FBXO42: variants seen among roughly 807,000 people sequenced by gnomAD.
The protein encoded by FBXO42 is F-box protein 42.
A neutral mutation model predicts 71.7 loss-of-function variants in FBXO42; 12 were observed. That is an observed-to-expected ratio of 0.17 (90% confidence interval 0.11 to 0.27). The LOEUF (loss-of-function observed/expected upper bound fraction) is 0.27. Ranked by LOEUF, FBXO42 falls within the 10% of genes least tolerant of loss-of-function variation. The pLI, the probability that FBXO42 is intolerant of heterozygous loss-of-function variation, is 1.00. For synonymous variants in FBXO42, 325 were observed against 327.5 expected (o/e 0.99, Z 0.08); for missense variants, 707 against 911.9 (o/e 0.78, Z 2.89).
chr1:16,256,736 C>T lies in FBXO42; in HGVS notation c.526G>A (p.Gly176Arg). ...ASGSYPSPKAGATLVVYKDLL... is the reference protein window; with the variant it reads ...ASGSYPSPKARATLVVYKDLL... Reference sequence around the variant, plus strand: ...TCCTTGTACACGACCAGAGTTGCTCCAGCTTTGGGGGAAGGATAGGACCCT... The same window carrying T: ...TCCTTGTACACGACCAGAGTTGCTCTAGCTTTGGGGGAAGGATAGGACCCT... The change falls in exon 5 of 10, where the codon GGA becomes AGA. Residue 176 changes from glycine (G) to arginine (R), a missense_variant. Physicochemically the swap from Gly to Arg is moderately radical, Grantham distance 125. Transcript: ENST00000375592. 1 of 1,614,138 alleles carries T rather than the reference C, an allele frequency of 6.2e-7. No individual in the cohort carries two copies. Among genetic ancestry groups the T allele is most frequent in the Non-Finnish European group, 8.5e-7 (1 of 1,180,014 alleles).
At chr1:16,320,326 A>C (rs1557601006) in intron 1 of FBXO42, among the ~76,000 whole-genome samples, 2 of 138,320 alleles carry the variant, frequency 1.4e-5, no homozygotes, top group Non-Finnish European at 3.0e-5. Context: ...ATGCCACCGC[A>C]CTCTAGCCTG....
At chr1:16,278,480 C>G (rs987680183) in intron 4 of FBXO42, among the ~76,000 whole-genome samples, 1 of 151,894 alleles carries the variant, frequency 6.6e-6, no homozygotes, top group African/African-American at 2.4e-5. Flanking sequence ...AGACTACTGT[C>G]TTTTTTATTT....
At chr1:16,329,552 C>G (rs2082478810) in intron 1 of FBXO42, among the ~76,000 whole-genome samples, 1 of 151,566 alleles carries the variant, frequency 6.6e-6, no homozygotes, top group Non-Finnish European at 1.5e-5. Context: ...CCACTGCACT[C>G]CAGCCTGGGA....
At chr1:16,301,097 C>T (rs981239288) in intron 3 of FBXO42, among the ~76,000 whole-genome samples, 2 of 151,838 alleles carry the variant, frequency 1.3e-5, no homozygotes, top group Non-Finnish European at 2.9e-5. Context: ...TAGGGTTTCA[C>T]GATGTTGGCC....
At chr1:16,340,037 C>A (rs1037256274) in intron 1 of FBXO42, among the ~76,000 whole-genome samples, 1 of 151,976 alleles carries the variant, frequency 6.6e-6, no homozygotes, top group Non-Finnish European at 1.5e-5. Flanking sequence ...ATTAGCCAGG[C>A]GTGGTGGCAG....
Position 16,252,287 on chromosome 1 carries a change from C to T in FBXO42, c.1038+1G>A, listed in dbSNP as rs1266943955. The T allele has an allele frequency of 6.2e-7, 1 of 1,611,948 alleles. No homozygotes were observed. The highest frequency in any genetic ancestry group is 8.5e-7 in the Non-Finnish European group (1 of 1,178,082). On this transcript the variant is annotated splice_donor_variant, in intron 9 of 9. Transcript: ENST00000375592. LOFTEE classifies it high-confidence loss of function. This position sits in a 1 kb window ranked among gnomAD's most constrained non-coding sequence, Gnocchi z 4.4. The stretch of plus-strand genomic sequence containing the variant: ...TGCTAGCCTGTCAGCTCCCTGCTTA[C>T]CCGGCAAGCTGGATGGCACCACAGT...
intron 1 of FBXO42, among the ~76,000 whole-genome samples, chr1:16,344,550 G>A (rs1179160556): frequency 6.8e-6 from 1 of 146,352 alleles, no homozygotes; most frequent in African/African-American, 2.5e-5. Flanking sequence ...TGGCCAGGCT[G>A]GTGTCAAACT....
At chr1:16,317,844 A>C (rs1056676438) in intron 1 of FBXO42, among the ~76,000 whole-genome samples, 1 of 151,310 alleles carries the variant, frequency 6.6e-6, no homozygotes, top group African/African-American at 2.4e-5. Flanking sequence ...ACTTGAGCCC[A>C]AGAGTTTGAG....
intron 4 of FBXO42, chr1:16,292,590 C>T (rs1416025393): frequency 2.0e-5 from 3 of 152,048 alleles, no homozygotes; most frequent in Non-Finnish European, 4.4e-5. Flanking sequence ...AGCCACTTCG[C>T]CTAGCCACAA....
In FBXO42 at chr1:16,251,285, A is replaced by T. The variant is rs779377143; in HGVS notation, c.1539T>A (p.Asn513Lys). The change falls in exon 10 of 10, where the codon AAT (asparagine) becomes AAA (lysine). Residue 513 changes from asparagine (N) to lysine (K), a missense_variant. Asn to Lys is a moderately conservative substitution (Grantham distance 94). This residue lies in a region of FBXO42 where 482 missense variants were observed against 587.1 expected (regional missense o/e 0.82). Coordinates refer to ENST00000375592, the MANE Select transcript of FBXO42 (RefSeq NM_018994.3). This position sits in a 1 kb window ranked among gnomAD's most constrained non-coding sequence, Gnocchi z 4.5. ...NWDLKPASSS[N>K]PMDGMDNRTV... The stretch of plus-strand genomic sequence containing the variant: ...TCCTATTGTCCATGCCATCCATGGG[A>T]TTACTACTGGAAGCGGGTTTCAGAT... 1.2e-6 allele frequency: 2 copies of T among 1,614,180 alleles called. No individual in the cohort carries two copies. Among genetic ancestry groups the T allele is most frequent in the Non-Finnish European group, 1.7e-6 (2 of 1,180,024 alleles).
intron 1 of FBXO42, among the ~76,000 whole-genome samples, chr1:16,318,125 T>C (rs1331645013): frequency 6.6e-6 from 1 of 151,986 alleles, no homozygotes; most frequent in Non-Finnish European, 1.5e-5. Context: ...TCTCTAAAGT[T>C]TGTCAAAATA....
chr1:16,251,026 G>A lies in FBXO42; in HGVS notation c.1798C>T (p.Pro600Ser), dbSNP rs2081585900. 6.2e-7 allele frequency: 1 copy of A among 1,614,192 alleles called. No homozygotes were observed. The highest frequency in any genetic ancestry group is 1.3e-5 in the African/African-American group (1 of 75,058). ...SQSLSSGETVPIPRPGPAQGD... is the reference protein window; with the variant it reads ...SQSLSSGETVSIPRPGPAQGD... ...TGGGCAGGCCCTGGGCGAGGGATGG[G>A]CACTGTTTCTCCACTGCTCAAACTC... The change falls in exon 10 of 10, where the codon CCC becomes TCC. Residue 600 changes from proline (P) to serine (S), a missense_variant. By Grantham distance (74) the Pro-to-Ser change is moderately conservative. Transcript: ENST00000375592. This position sits in a 1 kb window ranked among gnomAD's most constrained non-coding sequence, Gnocchi z 4.5.
At chr1:16,335,655 C>CAGG (rs1268031163) in intron 1 of FBXO42, among the ~76,000 whole-genome samples, 5 of 152,000 alleles carry the variant, frequency 3.3e-5, no homozygotes, top group Non-Finnish European at 5.9e-5. Context: ...CACCAGAGGT[C>CAGG]AGGAGTTCGA....
chr1:16,303,079 GA>G (rs1385208905), intron 3 of FBXO42, among the ~76,000 whole-genome samples: 1 of 151,916 alleles, frequency 6.6e-6, no homozygotes, highest in African/African-American at 2.4e-5. Context: ...ATTCAAAAAA[GA>G]AAAAAAGGGA....
chr1:16,250,871 A>G lies in FBXO42; in HGVS notation c.1953T>C (p.Ile651=). Residue 651 remains isoleucine (I), a synonymous_variant, in exon 10 of 10, where the codon ATT becomes ATC. Coordinates refer to ENST00000375592, the MANE Select transcript of FBXO42 (RefSeq NM_018994.3). This position sits in a 1 kb window ranked among gnomAD's most constrained non-coding sequence, Gnocchi z 4.7. ...CCCGCCCCTTCTCCTTGGTGTCTTTAATGTCCAGCACGTACATCTGCATGG... is the reference window on the plus strand; with the variant it reads ...CCCGCCCCTTCTCCTTGGTGTCTTTGATGTCCAGCACGTACATCTGCATGG... ...CKPMQMYVLD[I]KDTKEKGRVK... The G allele has an allele frequency of 6.2e-7, 1 of 1,614,148 alleles. No individual in the cohort carries two copies.
At chr1:16,339,628 T>C (rs1371043456) in intron 1 of FBXO42, among the ~76,000 whole-genome samples, 1 of 152,146 alleles carries the variant, frequency 6.6e-6, no homozygotes, top group Non-Finnish European at 1.5e-5. Flanking sequence ...TGTTCTTATG[T>C]AAATTTTCTC....
chr1:16,309,813 G>A (rs913202814), intron 2 of FBXO42, among the ~76,000 whole-genome samples: 24 of 152,082 alleles, frequency 1.6e-4, no homozygotes, highest in Non-Finnish European at 2.5e-4. Context: ...GGGAGGCCGA[G>A]GTGGGTGATC....
intron 3 of FBXO42, among the ~76,000 whole-genome samples, chr1:16,302,050 C>A (rs369815338): frequency 6.6e-6 from 1 of 152,024 alleles, no homozygotes; most frequent in Non-Finnish European, 1.5e-5. Flanking sequence ...TAGCATGCAG[C>A]CTCTCTCACA....
chr1:16,338,804 CTTTTTTTTTTTTT>C (rs71574177), intron 1 of FBXO42, among the ~76,000 whole-genome samples: 1 of 80,960 alleles, frequency 1.2e-5, no homozygotes, highest in African/African-American at 4.7e-5. Flanking sequence ...TTCCATTTGT[CTTTTTTTTTTTTT>C]TTTTTTTTTT....
Sources: gnomAD v4.1 joint callset for allele counts (sites outside exome capture counted in the v4.1 genomes callset) on GRCh38, gnomAD v4.1.1 for gene constraint, gnomAD v4.1.1 regional missense constraint, Gnocchi (gnomAD v3.1) non-coding constraint, MANE v1.5 for transcripts, NCBI Gene and HGNC (gene_info 2026-07-23, HGNC 2026-07-21) for gene names.